The following PSMD3 variants were observed in gnomAD, a reference collection of about 807,000 sequenced individuals.
PSMD3 encodes proteasome 26S subunit, non-ATPase 3.
Under a neutral mutation model 62.8 loss-of-function variants are expected in PSMD3, and 5 were observed. The observed-to-expected ratio is 0.08, with a 90% CI of 0.04 to 0.17. PSMD3 has a LOEUF of 0.17. Ranked by LOEUF, PSMD3 falls within the 10% of genes least tolerant of loss-of-function variation. PSMD3 has a pLI of 1.00. For missense variants in PSMD3, 524 were observed against 713.6 expected (o/e 0.73, Z 3.03); for synonymous variants, 265 against 283.9 (o/e 0.93, Z 0.67).
At chr17:39,985,929 G>A (rs1463249638) in intron 2 of PSMD3, among the ~76,000 whole-genome samples, 1 of 152,186 alleles carries the variant, frequency 6.6e-6, no homozygotes, top group Non-Finnish European at 1.5e-5. Context: ...CTGTCCAGTA[G>A]TATTTGCAGT....
rs774188003 is a variant in PSMD3 at position 39,995,562 on chromosome 17, G to A, written c.1320+35G>A. On this transcript the variant is annotated intron_variant, in intron 9 of 11. Transcript: ENST00000264639. The surrounding 1 kb of genome is among the most constrained non-coding windows in gnomAD (Gnocchi z 4.1). ...GTTCAGGAACCACAGTGACCAGGTT[G>A]TCACTTTCCTGCCAATCTCAGGAGG... is the stretch of plus-strand genomic sequence containing the variant. The A allele has an allele frequency of 6.4e-7, 1 of 1,571,994 alleles. No individual in the cohort carries two copies. The highest frequency in any genetic ancestry group is 1.1e-5 in the South Asian group (1 of 90,154).
chr17:39,986,595 T>C lies in PSMD3; in HGVS notation c.432T>C (p.Asp144=), dbSNP rs769874647. Residue 144 remains aspartate (D), a synonymous_variant, in exon 3 of 12, where the codon GAT becomes GAC. Transcript: ENST00000264639. ...CCTAGCCCATGGACACAGAGGCTGA[T>C]TTACAGTTCCGTCCCCGCACGGGAA... ...FLEEPMDTEA[D]LQFRPRTGKA... 6 of 1,614,164 alleles carry C rather than the reference T, an allele frequency of 3.7e-6. No homozygotes were observed. The highest frequency in any genetic ancestry group is 5.1e-6 in the Non-Finnish European group (6 of 1,180,026).
rs962617999 is a variant in PSMD3 at position 39,995,600 on chromosome 17, G to C, written c.1320+73G>C. The C allele has an allele frequency of 3.4e-6, 5 of 1,464,440 alleles. No homozygotes were observed. Among genetic ancestry groups the C allele is most frequent in the South Asian group, 1.1e-5 (1 of 86,984 alleles). The allele number at this position is 1,464,440 out of a possible 1,614,324, so 90.7% of individuals were successfully genotyped here. ...CAATCTCAGGAGGCAGGAGTGGGAG[G>C]AGTTTGGCCAAGGAGGGGAATAGGT... is the stretch of plus-strand genomic sequence containing the variant. On this transcript the variant is annotated intron_variant, in intron 9 of 11. Coordinates refer to ENST00000264639, the MANE Select transcript of PSMD3 (RefSeq NM_002809.4). This position sits in a 1 kb window ranked among gnomAD's most constrained non-coding sequence, Gnocchi z 4.1.
rs978163657 is a variant in PSMD3 at position 39,980,942 on chromosome 17, C to T, written c.-29C>T. 3.4e-6 allele frequency: 5 copies of T among 1,486,924 alleles called. No individual in the cohort carries two copies. Among genetic ancestry groups the T allele is most frequent in the Non-Finnish European group, 4.5e-6 (5 of 1,122,266 alleles). The allele number at this position is 1,486,924 out of a possible 1,614,324, so 92.1% of individuals were successfully genotyped here. A position where few individuals can be genotyped will look rare whatever the true frequency, so the allele number is the denominator to read the frequency against. On this transcript the variant is annotated 5_prime_UTR_variant, in exon 1 of 12. Coordinates refer to ENST00000264639, the MANE Select transcript of PSMD3 (RefSeq NM_002809.4). ...GTTAACGCGAGGCCCCGGCCTCGGT[C>T]CCCGGACTAGGCCGTGACCCCGGGT...
chr17:39,997,301 G>A (rs2241244), intron 10 of PSMD3, 29 bp from the exon 11 acceptor site: 12 of 1,611,474 alleles, frequency 7.4e-6, no homozygotes, highest in East Asian at 4.5e-5. Flanking sequence ...TCCTTCCCTC[G>A]CTCATCTCCT....
chr17:39,984,117 G>T lies in PSMD3; in HGVS notation c.221-177G>T, dbSNP rs1465622096. ...CGGGAGGCTGAGGCAGGAGAATGGT[G>T]TGAACCCAGCAGGCAGAGCTTGCAG... On this transcript the variant is annotated intron_variant, in intron 1 of 11. Coordinates refer to ENST00000264639, the MANE Select transcript of PSMD3 (RefSeq NM_002809.4). Among the ~76,000 whole-genome samples the T allele has an allele frequency of 2.7e-5, 4 of 147,898 alleles. No homozygotes were observed. The South Asian group carries it at 8.6e-4, about 32-fold the overall frequency.
chr17:39,991,168 T>C (rs543907394), intron 6 of PSMD3, among the ~76,000 whole-genome samples: 2 of 152,192 alleles, frequency 1.3e-5, no homozygotes, highest in African/African-American at 4.8e-5. Context: ...TTTGGTTCTT[T>C]TTTTTGAAAC....
At chr17:39,987,597 C>T (rs112148455) in intron 3 of PSMD3, among the ~76,000 whole-genome samples, 4,039 of 152,270 alleles carry the variant, frequency 0.027, 195 homozygotes, top group African/African-American at 0.092. Flanking sequence ...ATTTCCTGGG[C>T]TCAGCCTCCC....
Position 39,995,143 on chromosome 17 carries a change from G to A in PSMD3, c.1097-33G>A. The A allele has an allele frequency of 6.2e-7, 1 of 1,614,024 alleles. No individual in the cohort carries two copies. The highest frequency in any genetic ancestry group is 2.2e-5 in the East Asian group (1 of 44,848). ...GCCTCTTACATGCCTGTGCCTATTT[G>A]CATCATCCAATCTACTCCTGTTCTG... is the stretch of plus-strand genomic sequence containing the variant. On this transcript the variant is annotated intron_variant, in intron 7 of 11. Transcript: ENST00000264639. This position sits in a 1 kb window ranked among gnomAD's most constrained non-coding sequence, Gnocchi z 4.1.
In PSMD3 at chr17:39,997,766, A is replaced by C. The variant is rs1215322142; in HGVS notation, c.*185A>C. 1 of 688,732 alleles carries C rather than the reference A, an allele frequency of 1.5e-6. No individual in the cohort carries two copies. The highest frequency in any genetic ancestry group is 2.7e-5 in the East Asian group (1 of 36,610). 42.7% of individuals were successfully genotyped at this position (688,732 alleles called of 1,614,324 possible). A position where few individuals can be genotyped will look rare whatever the true frequency, so the allele number is the denominator to read the frequency against. ...AGGGCTCCTCCCCAGCCGGTGACTTACTGTACAGCAGGCAGGAGGGTGGGC... is the reference window on the plus strand; with the variant it reads ...AGGGCTCCTCCCCAGCCGGTGACTTCCTGTACAGCAGGCAGGAGGGTGGGC... On this transcript the variant is annotated 3_prime_UTR_variant, in exon 12 of 12. Coordinates refer to ENST00000264639, the MANE Select transcript of PSMD3 (RefSeq NM_002809.4).
At chr17:39,981,587 G>C (rs1980386592) in intron 1 of PSMD3, among the ~76,000 whole-genome samples, 1 of 152,178 alleles carries the variant, frequency 6.6e-6, no homozygotes, top group African/African-American at 2.4e-5. Context: ...AACAGGGCCA[G>C]GATGACCTAG....
At chr17:39,994,281 T>G (rs142895250) in intron 6 of PSMD3, 20 of 153,014 alleles carry the variant, frequency 1.3e-4, no homozygotes, top group African/African-American at 4.6e-4. Context: ...CTGCTTTGTG[T>G]TCCGTGCCTC....
rs1980764185 is a variant in PSMD3, at chr17:39,995,612, G to C, written c.1320+85G>C. ...GCAGGAGTGGGAGGAGTTTGGCCAA[G>C]GAGGGGAATAGGTAAAGCAATGGCA... On this transcript the variant is annotated intron_variant, in intron 9 of 11. Coordinates refer to ENST00000264639, the MANE Select transcript of PSMD3 (RefSeq NM_002809.4). This position sits in a 1 kb window ranked among gnomAD's most constrained non-coding sequence, Gnocchi z 4.1. 7.5e-7 allele frequency: 1 copy of C among 1,339,164 alleles called. No homozygotes were observed. The allele number at this position is 1,339,164 out of a possible 1,614,324, so 83.0% of individuals were successfully genotyped here. A position where few individuals can be genotyped will look rare whatever the true frequency, so the allele number is the denominator to read the frequency against.
At chr17:39,988,898 G>A (rs1980589377) in intron 4 of PSMD3, 79 bp downstream of exon 4, 2 of 1,545,246 alleles carry the variant, frequency 1.3e-6, no homozygotes, top group Non-Finnish European at 1.8e-6. Flanking sequence ...CTGTGGATCT[G>A]CAGAGGGCGA....
At chr17:39,991,958 G>A (rs984384047) in intron 6 of PSMD3, among the ~76,000 whole-genome samples, 5 of 149,746 alleles carry the variant, frequency 3.3e-5, no homozygotes, top group Admixed American at 2.0e-4. Context: ...CCAGGAAGTC[G>A]AGGCTGCAGT....
In PSMD3 at chr17:39,995,440, C is replaced by T. The variant is rs1405623430; in HGVS notation, c.1233C>T (p.Ser411=). 6.2e-7 allele frequency: 1 copy of T among 1,614,040 alleles called. No individual in the cohort carries two copies. Among genetic ancestry groups the T allele is most frequent in the Non-Finnish European group, 8.5e-7 (1 of 1,179,904 alleles). Residue 411 remains serine (S), a synonymous_variant, in exon 9 of 12, where the codon AGC becomes AGT. Transcript: ENST00000264639. The surrounding 1 kb of genome is among the most constrained non-coding windows in gnomAD (Gnocchi z 4.1). ...CTCTCCCAGGTGTACGCATGATCAG[C>T]CTCTCCTATTCCCGAATCTCCTTGG... ...NVIKTGVRMI[S]LSYSRISLAD...
At chr17:39,982,936 A>G (rs1313670239) in intron 1 of PSMD3, among the ~76,000 whole-genome samples, 2 of 152,256 alleles carry the variant, frequency 1.3e-5, no homozygotes, top group African/African-American at 4.8e-5. Context: ...CTGAGTTTAA[A>G]AGGCTGAACA....
Position 39,997,387 on chromosome 17 carries a change from T to G in PSMD3, c.1527+7T>G, listed in dbSNP as rs113462990. On this transcript the variant is annotated splice_region_variant and intron_variant, in intron 11 of 11. Transcript: ENST00000264639. ...GGACTTGGAGTCTGCAGAGGTAAGC[T>G]CTCTGCTTTCTGGGTGAGACCGAAA... The G allele has an allele frequency of 2.3e-3, 3,756 of 1,613,610 alleles. 7 individuals are homozygous for G. The highest frequency in any genetic ancestry group is 0.014 in the African/African-American group (1,043 of 74,658).
intron 4 of PSMD3, among the ~76,000 whole-genome samples, chr17:39,989,075 G>A (rs1980593901): frequency 1.3e-5 from 2 of 152,190 alleles, no homozygotes; most frequent in African/African-American, 4.8e-5. Context: ...GTAGGACTGA[G>A]GGTGGGTTAG....
Sources: allele counts gnomAD v4.1 joint callset (sites outside exome capture counted in the v4.1 genomes callset), GRCh38; gene constraint gnomAD v4.1.1; non-coding constraint Gnocchi (gnomAD v3.1); transcripts MANE v1.5; gene names NCBI Gene and HGNC (gene_info 2026-07-23, HGNC 2026-07-21).